GPC3: variants seen among roughly 807,000 people sequenced by gnomAD.
The protein encoded by GPC3 is glypican-3.
Under a neutral mutation model 34.4 loss-of-function variants are expected in GPC3, and 3 were observed. The observed-to-expected ratio is 0.09, with a 90% CI of 0.04 to 0.23. The LOEUF (loss-of-function observed/expected upper bound fraction) is 0.23, where lower values mean the gene tolerates loss of function less well. Ranked by LOEUF, GPC3 falls within the 10% of genes least tolerant of loss-of-function variation. The probability of loss-of-function intolerance (pLI) is 1.00; values close to 1 mark genes in which losing one functional copy is unlikely to be tolerated. For missense variants in GPC3, 351 were observed against 445.6 expected, an observed-to-expected ratio of 0.79 and a Z score of 1.91; for synonymous variants, 177 against 174.0, an observed-to-expected ratio of 1.02 and a Z score of -0.13.
intron 3 of GPC3, among the ~76,000 whole-genome samples, chrX:133,731,275 T>A (rs2071460413): frequency 8.9e-6 from 1 of 112,762 alleles, no homozygotes; most frequent in African/African-American, 3.2e-5. Flanking sequence ...CCAAAAAAAA[T>A]TTCCAGGTCA....
chrX:133,637,342 G>A (rs1457195989), intron 6 of GPC3, among the ~76,000 whole-genome samples: 2 of 109,769 alleles, frequency 1.8e-5, no homozygotes, highest in Non-Finnish European at 3.8e-5. Context: ...GCTTGAACCC[G>A]GAAGGTGGAG....
intron 5 of GPC3, among the ~76,000 whole-genome samples, chrX:133,673,503 A>G (rs947804377): frequency 8.9e-6 from 1 of 112,679 alleles, no homozygotes; most frequent in African/African-American, 3.2e-5. Context: ...GTGTGAAGGT[A>G]ACTGACGTTC....
chrX:133,957,445 T>C (rs2124637261), intron 1 of GPC3, among the ~76,000 whole-genome samples: 1 of 112,472 alleles, frequency 8.9e-6, no homozygotes, highest in Non-Finnish European at 1.9e-5. Flanking sequence ...AATAATGAAA[T>C]ATAACTATTT....
At chrX:133,726,737 C>CA (rs2071411722) in intron 3 of GPC3, among the ~76,000 whole-genome samples, 1 of 111,573 alleles carries the variant, frequency 9.0e-6, no homozygotes, top group Admixed American at 9.5e-5. Flanking sequence ...AAAAACAAAA[C>CA]AAAACAAAAC....
At chrX:133,658,885 A>C (rs1433653841) in intron 6 of GPC3, among the ~76,000 whole-genome samples, 2 of 102,650 alleles carry the variant, frequency 1.9e-5, no homozygotes, top group Non-Finnish European at 3.8e-5. Context: ...AGAGGAGAGG[A>C]AAAGAAGGAG....
intron 2 of GPC3, among the ~76,000 whole-genome samples, chrX:133,884,267 G>A (rs2076053847): frequency 9.0e-6 from 1 of 111,707 alleles, no homozygotes; most frequent in Non-Finnish European, 1.9e-5. Flanking sequence ...AGAATTCTCC[G>A]TTATGATTAT....
chrX:133,726,170 G>A (rs1057182322), intron 3 of GPC3, among the ~76,000 whole-genome samples: 2 of 111,592 alleles, frequency 1.8e-5, no homozygotes, highest in Non-Finnish European at 3.8e-5. Flanking sequence ...TCTGCCTCAC[G>A]TCCTGCCATC....
intron 6 of GPC3, among the ~76,000 whole-genome samples, chrX:133,647,132 T>C (rs756792716): frequency 3.7e-4 from 42 of 112,476 alleles, no homozygotes; most frequent in Admixed American, 3.4e-3. Context: ...CACTACATTT[T>C]CTCCCTGAAA....
intron 2 of GPC3, among the ~76,000 whole-genome samples, chrX:133,915,484 T>C (rs1052722481): frequency 8.9e-6 from 1 of 112,190 alleles, no homozygotes; most frequent in Non-Finnish European, 1.9e-5. Context: ...CATAATTGTC[T>C]TTTAACCTGA....
At chrX:133,634,304 G>A (rs1232168835) in intron 6 of GPC3, among the ~76,000 whole-genome samples, 1 of 112,004 alleles carries the variant, frequency 8.9e-6, no homozygotes, top group African/African-American at 3.2e-5. Context: ...TTTATTATAT[G>A]ACCAAGCCAT....
At chrX:133,649,774 T>G (rs2070579143) in intron 6 of GPC3, among the ~76,000 whole-genome samples, 1 of 111,632 alleles carries the variant, frequency 9.0e-6, no homozygotes, top group African/African-American at 3.3e-5. Flanking sequence ...CCATTTTCCA[T>G]GGTATCCCAG....
rs1262611151 is a variant in GPC3 at position 133,671,345 on chromosome X, G to A, written c.1293-9495C>T. 9 of 622,343 alleles carry A rather than the reference G, an allele frequency of 1.4e-5. No individual in the cohort carries two copies. In the East Asian group the frequency reaches 1.9e-4, roughly 13 times the overall value. The allele number at this position is 622,343 out of a possible 1,213,427, so 51.3% of individuals were successfully genotyped here. On this transcript the variant is annotated intron_variant, in intron 5 of 7. Transcript: ENST00000370818. Reference sequence around the variant, plus strand: ...CCCAATAAAGAAAGTCAGGGGGACCGCAAAGGCCAATGTTGGTGCTGGCAA... The same window carrying A: ...CCCAATAAAGAAAGTCAGGGGGACCACAAAGGCCAATGTTGGTGCTGGCAA...
chrX:133,592,430 T>C (rs775472964), intron 7 of GPC3, among the ~76,000 whole-genome samples: 12 of 108,574 alleles, frequency 1.1e-4, no homozygotes, highest in Non-Finnish European at 1.9e-4. Flanking sequence ...CCCTACCTCA[T>C]AGTGGTATTG....
intron 7 of GPC3, among the ~76,000 whole-genome samples, chrX:133,567,695 A>C (rs2069594127): frequency 8.9e-6 from 1 of 111,956 alleles, no homozygotes; most frequent in South Asian, 3.8e-4. Flanking sequence ...CGTTTGATTG[A>C]AAGTCAACTT....
intron 1 of GPC3, among the ~76,000 whole-genome samples, chrX:133,973,178 T>G: frequency 8.9e-6 from 1 of 111,733 alleles, no homozygotes; most frequent in Non-Finnish European, 1.9e-5. Flanking sequence ...GGAATTTAAG[T>G]CAAATACTTT....
At chrX:133,863,396 A>G (rs2075947972) in intron 2 of GPC3, among the ~76,000 whole-genome samples, 1 of 111,787 alleles carries the variant, frequency 8.9e-6, no homozygotes, top group Non-Finnish European at 1.9e-5. Context: ...ACTGGGCAAC[A>G]GGAACATTTT....
chrX:133,739,766 T>C (rs1210362603), intron 3 of GPC3, among the ~76,000 whole-genome samples: 2 of 110,958 alleles, frequency 1.8e-5, no homozygotes, highest in African/African-American at 3.3e-5. Context: ...GTCCCACTTA[T>C]GGCATGGGGC....
At chrX:133,655,490 ACACACACACACACACC>A (rs1569406909) in intron 6 of GPC3, among the ~76,000 whole-genome samples, 7 of 108,025 alleles carry the variant, frequency 6.5e-5, no homozygotes, top group Admixed American at 3.0e-4. Context: ...ACACACACAC[ACACACACACACACACC>A]CACACACACA....
chrX:133,715,497 G>T (rs1352847995), intron 3 of GPC3, among the ~76,000 whole-genome samples: 4 of 111,323 alleles, frequency 3.6e-5, no homozygotes, highest in African/African-American at 9.8e-5. Context: ...ACTCTGACAG[G>T]TTGGAGTTCT....
Sources: allele counts gnomAD v4.1 joint callset (sites outside exome capture counted in the v4.1 genomes callset), GRCh38; gene constraint gnomAD v4.1.1; transcripts MANE v1.5; gene names NCBI Gene and HGNC (gene_info 2026-07-23, HGNC 2026-07-21).